The following WDR25 variants were observed in gnomAD, a reference collection of about 807,000 sequenced individuals.
WDR25 encodes WD repeat domain 25.
A neutral mutation model predicts 47.7 loss-of-function variants in WDR25; 35 were observed. The observed-to-expected ratio is 0.73, with a 90% confidence interval of 0.56 to 0.97. The LOEUF (loss-of-function observed/expected upper bound fraction) is 0.97, where lower values mean the gene tolerates loss of function less well. Among genes scored for constraint, WDR25 ranks in the 50% least tolerant of loss-of-function variants. The probability of loss-of-function intolerance (pLI) is 0.00; values close to 1 mark genes in which losing one functional copy is unlikely to be tolerated. For synonymous variants in WDR25, 248 were observed against 278.9 expected, an observed-to-expected ratio of 0.89 and a Z score of 1.10; for missense variants, 634 against 704.7, an observed-to-expected ratio of 0.90 and a Z score of 1.14.
rs146109411 is a variant in WDR25, at chr14:100,526,006, G to A, written c.1238G>A (p.Arg413Gln). The A allele has an allele frequency of 5.6e-6, 9 of 1,613,920 alleles. No individual in the cohort carries two copies. The highest frequency in any genetic ancestry group is 3.3e-5 in the Admixed American group (2 of 60,002). Residue 413 changes from arginine to glutamine, a missense_variant, in exon 5 of 7, where the codon CGG (arginine) becomes CAG (glutamine). Arg to Gln is a conservative substitution (Grantham distance 43). Transcript: ENST00000402312. ...ADRTIIAWDF[R>Q]TSAKISNQIF... is the part of the protein sequence containing the mutation. ...CGCACCATTATTGCCTGGGATTTCC[G>A]GACCTCTGCCAAAATCTCCAACCAG...
chr14:100,490,172 C>T (rs1457115281), intron 4 of WDR25, among the ~76,000 whole-genome samples: 3 of 152,154 alleles, frequency 2.0e-5, no homozygotes, highest in Non-Finnish European at 4.4e-5. Context: ...ATGATCCTAG[C>T]CCATCACTAG....
At chr14:100,405,837 C>T (rs766659343) in intron 2 of WDR25, among the ~76,000 whole-genome samples, 52 of 152,176 alleles carry the variant, frequency 3.4e-4, no homozygotes, top group Non-Finnish European at 6.8e-4. Flanking sequence ...ACGCCACTCC[C>T]GAGGAAACCC....
intron 2 of WDR25, among the ~76,000 whole-genome samples, chr14:100,433,622 C>T (rs1018697048): frequency 6.6e-6 from 1 of 152,214 alleles, no homozygotes; most frequent in African/African-American, 2.4e-5. Flanking sequence ...ACGCTTGTCA[C>T]GTGGGGATTT....
intron 4 of WDR25, among the ~76,000 whole-genome samples, chr14:100,510,505 G>A (rs1299412557): frequency 2.6e-5 from 4 of 151,746 alleles, no homozygotes; most frequent in African/African-American, 9.7e-5. Context: ...GGAGGTCAAG[G>A]TGGGCGGATC....
intron 2 of WDR25, among the ~76,000 whole-genome samples, chr14:100,451,710 T>C (rs140454752): frequency 6.6e-6 from 1 of 152,078 alleles, no homozygotes; most frequent in Non-Finnish European, 1.5e-5. Flanking sequence ...CCAGAGAGGT[T>C]CAGACTGTTC....
intron 4 of WDR25, among the ~76,000 whole-genome samples, chr14:100,519,194 A>G (rs974766278): frequency 1.3e-5 from 2 of 151,748 alleles, no homozygotes; most frequent in Non-Finnish European, 2.9e-5. Flanking sequence ...TTGACTTTTC[A>G]GAGTCTTCAG....
chr14:100,462,913 C>T (rs1473520110), intron 2 of WDR25, among the ~76,000 whole-genome samples: 4 of 43,742 alleles, frequency 9.1e-5, no homozygotes, highest in Non-Finnish European at 1.1e-4. Flanking sequence ...TCCTCTCCCC[C>T]GCTCCTTCCT....
Position 100,498,311 on chromosome 14 carries a change from G to A in WDR25, c.1101+14187G>A, listed in dbSNP as rs749304081. 3.3e-5 allele frequency among the ~76,000 whole-genome samples: 5 copies of A among 152,202 alleles called. No homozygotes were observed. The highest frequency in any genetic ancestry group is 2.1e-4 in the South Asian group (1 of 4,828). On this transcript the variant is annotated intron_variant, in intron 4 of 6. Transcript: ENST00000402312. This position sits in a 1 kb window ranked among gnomAD's most constrained non-coding sequence, Gnocchi z 4.2. The stretch of plus-strand genomic sequence containing the variant: ...GAGAGGAGACTGAGGGCCACGTTCC[G>A]TAACAAGCGGGCCATTGCCACGCCC...
rs913470407 is a variant in WDR25 at position 100,529,396 on chromosome 14, C to T, written c.1413+188C>T. 27 of 850,000 alleles carry T rather than the reference C, an allele frequency of 3.2e-5. No homozygotes were observed. The highest frequency in any genetic ancestry group is 2.3e-4 in the Middle Eastern group (1 of 4,390). The allele number at this position is 850,000 out of a possible 1,614,324, so 52.7% of individuals were successfully genotyped here. A position where few individuals can be genotyped will look rare whatever the true frequency, so the allele number is the denominator to read the frequency against. On this transcript the variant is annotated intron_variant, in intron 6 of 6. Transcript: ENST00000402312. The surrounding 1 kb of genome is among the most constrained non-coding windows in gnomAD (Gnocchi z 5.1). ...CCCTGAACCACATCTGGTCCTCACC[C>T]CAGGCCCCACGTACTGGGCAGGAAG...
intron 5 of WDR25, among the ~76,000 whole-genome samples, chr14:100,527,202 A>G (rs2030217875): frequency 6.6e-6 from 1 of 150,636 alleles, no homozygotes; most frequent in African/African-American, 2.4e-5. Flanking sequence ...TGTCACCAGC[A>G]TGTCTAGCAC....
At chr14:100,478,040 C>T (rs973238160) in intron 3 of WDR25, among the ~76,000 whole-genome samples, 2 of 151,974 alleles carry the variant, frequency 1.3e-5, no homozygotes, top group Non-Finnish European at 1.5e-5. Context: ...TGCAGTGAGC[C>T]GGATAGCACC....
chr14:100,378,592 C>T (rs1356588454), intron 1 of WDR25, among the ~76,000 whole-genome samples: 1 of 152,190 alleles, frequency 6.6e-6, no homozygotes, highest in East Asian at 1.9e-4. Flanking sequence ...ACGGACACCT[C>T]AGGACCTTAG....
intron 4 of WDR25, among the ~76,000 whole-genome samples, chr14:100,515,232 T>C (rs904652856): frequency 1.3e-5 from 2 of 152,192 alleles, no homozygotes; most frequent in Admixed American, 1.3e-4. Flanking sequence ...TATCTGTGAG[T>C]TTATAGTTTT....
intron 2 of WDR25, among the ~76,000 whole-genome samples, chr14:100,393,786 G>A (rs530806598): frequency 6.6e-6 from 1 of 152,320 alleles, no homozygotes; most frequent in East Asian, 1.9e-4. Context: ...CAGCCACTCA[G>A]ACCTTGGGCT....
rs2029976635 is a variant in WDR25 at position 100,523,763 on chromosome 14, A to G, written c.1102-2107A>G. Among the ~76,000 whole-genome samples the G allele has an allele frequency of 6.6e-6, 1 of 152,046 alleles. No homozygotes were observed. Among genetic ancestry groups the G allele is most frequent in the African/African-American group, 2.4e-5 (1 of 41,378 alleles). ...TCATGATCGATCTTCTGCTTTCCCC[A>G]AGACCATGTCCCTGCATCTCTACCA... is the stretch of plus-strand genomic sequence containing the variant. On this transcript the variant is annotated intron_variant, in intron 4 of 6. Transcript: ENST00000402312. The surrounding 1 kb of genome is among the most constrained non-coding windows in gnomAD (Gnocchi z 4.7).
At chr14:100,415,682 G>A (rs1820900535) in intron 2 of WDR25, among the ~76,000 whole-genome samples, 2 of 152,206 alleles carry the variant, frequency 1.3e-5, no homozygotes, top group Admixed American at 1.3e-4. Context: ...CCCACTGTGT[G>A]TACAGGTAAC....
intron 2 of WDR25, among the ~76,000 whole-genome samples, chr14:100,446,619 C>G (rs1297667504): frequency 2.7e-5 from 4 of 150,080 alleles, no homozygotes; most frequent in African/African-American, 7.4e-5. Flanking sequence ...CAATACCAAT[C>G]ATAATTCACT....
chr14:100,417,181 C>G (rs1221613204), intron 2 of WDR25, among the ~76,000 whole-genome samples: 2 of 152,244 alleles, frequency 1.3e-5, no homozygotes, highest in African/African-American at 4.8e-5. Flanking sequence ...CTGTGTGTGG[C>G]ATGGCCAGAG....
chr14:100,521,073 G>C (rs1419528097), intron 4 of WDR25, among the ~76,000 whole-genome samples: 1 of 152,140 alleles, frequency 6.6e-6, no homozygotes, highest in Non-Finnish European at 1.5e-5. Flanking sequence ...GCAAACTACA[G>C]TTGATGGGTC....
Sources: gnomAD v4.1 joint callset for allele counts (sites outside exome capture counted in the v4.1 genomes callset) on GRCh38, gnomAD v4.1.1 for gene constraint, Gnocchi (gnomAD v3.1) non-coding constraint, MANE v1.5 for transcripts, NCBI Gene and HGNC (gene_info 2026-07-23, HGNC 2026-07-21) for gene names.